Variants in DISC1 observed in about 807,000 individuals in gnomAD.
The protein encoded by DISC1 is disrupted in schizophrenia 1 protein.
In DISC1, 57 loss-of-function variants were observed where a neutral mutation model predicts 84.5. The ratio of observed to expected loss-of-function variants is 0.67; its 90% CI spans 0.55 to 0.84. The LOEUF (loss-of-function observed/expected upper bound fraction) is 0.84. Ranked by LOEUF, DISC1 falls within the 40% of genes least tolerant of loss-of-function variation. The pLI is 0.00. For missense variants in DISC1, 1,000 were observed against 1,057.8 expected (o/e 0.95, Z 0.76); for synonymous variants, 411 against 415.2 (o/e 0.99, Z 0.12).
chr1:231,933,844 G>C (rs912942594), intron 9 of DISC1, among the ~76,000 whole-genome samples: 8 of 152,120 alleles, frequency 5.3e-5, no homozygotes, highest in African/African-American at 1.7e-4. Flanking sequence ...TCTGTCATTG[G>C]CCCAGCCTCC....
chr1:231,748,152 T>C (rs371559828), intron 3 of DISC1, among the ~76,000 whole-genome samples: 1 of 152,332 alleles, frequency 6.6e-6, no homozygotes, highest in South Asian at 2.1e-4. Flanking sequence ...CTTTAGGTTT[T>C]TCTAGATATA....
At chr1:231,919,355 A>G (rs2089855163) in intron 9 of DISC1, among the ~76,000 whole-genome samples, 2 of 152,228 alleles carry the variant, frequency 1.3e-5, no homozygotes, top group African/African-American at 4.8e-5. Context: ...TTAAGACTTT[A>G]CCATGCTTGC....
chr1:231,854,719 T>TAA (rs2084139135), intron 9 of DISC1: 1 of 2,200 alleles, frequency 4.5e-4, no homozygotes, highest in Non-Finnish European at 9.3e-4. Context: ...AAAATAATTC[T>TAA]TTTTTTTTTT....
chr1:231,716,883 T>G (rs1025698193), intron 3 of DISC1, among the ~76,000 whole-genome samples: 1 of 152,202 alleles, frequency 6.6e-6, no homozygotes, highest in Non-Finnish European at 1.5e-5. Flanking sequence ...GGTGATGGAC[T>G]GGACAGCTAA....
chr1:231,840,598 G>T (rs775660318), intron 9 of DISC1, among the ~76,000 whole-genome samples: 1 of 152,120 alleles, frequency 6.6e-6, no homozygotes, highest in Non-Finnish European at 1.5e-5. Context: ...CTGGAAAAGA[G>T]ACCTCTAAGG....
chr1:231,767,229 C>T lies in DISC1; in HGVS notation c.1358C>T (p.Thr453Met), dbSNP rs28930675. 3.8e-3 allele frequency: 6,097 copies of T among 1,614,182 alleles called. 15 individuals are homozygous for T. The highest frequency in any genetic ancestry group is 9.2e-3 in the South Asian group (834 of 91,082). The change falls in exon 5 of 13, where the codon ACG becomes ATG. Residue 453 changes from threonine (T) to methionine (M), a missense_variant. Coordinates refer to ENST00000439617, the MANE Select transcript of DISC1 (RefSeq NM_018662.3). The stretch of plus-strand genomic sequence containing the variant: ...CAGGACAGCTTGCACGTGTCCATCA[C>T]GAGACGAGACTGGCTTCTTCAGGAA... ...TAQDSLHVSI[T>M]RRDWLLQEKQ...
At chr1:232,029,790 A>G (rs1228874037) in intron 12 of DISC1, among the ~76,000 whole-genome samples, 1 of 152,242 alleles carries the variant, frequency 6.6e-6, no homozygotes, top group Non-Finnish European at 1.5e-5. Context: ...ATGTGTGTAC[A>G]TAAGGGCTAT....
chr1:231,913,789 C>T (rs950610633), intron 9 of DISC1, among the ~76,000 whole-genome samples: 1 of 152,174 alleles, frequency 6.6e-6, no homozygotes, highest in African/African-American at 2.4e-5. Flanking sequence ...AGTAGGTGAC[C>T]GTTTCCTCAC....
intron 9 of DISC1, among the ~76,000 whole-genome samples, chr1:231,829,263 C>A (rs150874281): frequency 4.3e-4 from 65 of 152,248 alleles, no homozygotes; most frequent in African/African-American, 1.4e-3. Context: ...TAATAATAAG[C>A]ATTATTTTTT....
chr1:231,803,776 G>A (rs1328954010), intron 8 of DISC1, among the ~76,000 whole-genome samples: 3 of 151,838 alleles, frequency 2.0e-5, no homozygotes, highest in African/African-American at 7.3e-5. Context: ...GTGAAACCCC[G>A]TCTCTACTAA....
At chr1:232,024,948 C>A (rs1288610879) in intron 11 of DISC1, among the ~76,000 whole-genome samples, 2 of 152,186 alleles carry the variant, frequency 1.3e-5, no homozygotes, top group Non-Finnish European at 2.9e-5. Flanking sequence ...GAAATATTAT[C>A]TTTACATTTA....
At chr1:231,734,042 G>A (rs1317061338) in intron 3 of DISC1, among the ~76,000 whole-genome samples, 1 of 151,966 alleles carries the variant, frequency 6.6e-6, no homozygotes, top group African/African-American at 2.4e-5. Flanking sequence ...TGGTGGGAAT[G>A]TTTGTGAGCA....
chr1:231,970,508 T>A (rs112547578), intron 10 of DISC1, among the ~76,000 whole-genome samples: 19 of 152,192 alleles, frequency 1.2e-4, no homozygotes, highest in African/African-American at 4.6e-4. Context: ...AGGACTTAGC[T>A]GCATGGGAAG....
At chr1:231,844,368 AG>A (rs2083295485) in intron 9 of DISC1, among the ~76,000 whole-genome samples, 1 of 152,208 alleles carries the variant, frequency 6.6e-6, no homozygotes, top group East Asian at 1.9e-4. Context: ...AGAGATGCAT[AG>A]GACAAGGTAT....
chr1:231,919,097 A>G (rs912743112), intron 9 of DISC1, among the ~76,000 whole-genome samples: 102 of 152,290 alleles, frequency 6.7e-4, no homozygotes, highest in African/African-American at 2.4e-3. Context: ...GTTGCACTCA[A>G]AGTCTTCGTT....
intron 4 of DISC1, among the ~76,000 whole-genome samples, chr1:231,756,678 G>A (rs1224626156): frequency 6.6e-6 from 1 of 152,094 alleles, no homozygotes; most frequent in Non-Finnish European, 1.5e-5. Context: ...ACCTTGGATA[G>A]GAGGTCATTT....
intron 9 of DISC1, among the ~76,000 whole-genome samples, chr1:231,956,101 TGGA>T (rs1361237530): frequency 1.3e-5 from 2 of 152,154 alleles, no homozygotes; most frequent in African/African-American, 4.8e-5. Flanking sequence ...CCCCCCAATG[TGGA>T]GGGAAGGAAT....
intron 9 of DISC1, among the ~76,000 whole-genome samples, chr1:231,887,769 G>C (rs2086879578): frequency 6.6e-6 from 1 of 152,234 alleles, no homozygotes; most frequent in Non-Finnish European, 1.5e-5. Context: ...ATTGGTTCAA[G>C]GAAGTGGGGA....
intron 9 of DISC1, among the ~76,000 whole-genome samples, chr1:231,937,087 G>A (rs919847855): frequency 5.3e-5 from 8 of 152,166 alleles, no homozygotes; most frequent in South Asian, 2.1e-4. Flanking sequence ...AGCAGTGTGA[G>A]ACAAAAATTA....
Sources: gnomAD v4.1 joint callset for allele counts (sites outside exome capture counted in the v4.1 genomes callset) on GRCh38, gnomAD v4.1.1 for gene constraint, MANE v1.5 for transcripts, NCBI Gene and HGNC (gene_info 2026-07-23, HGNC 2026-07-21) for gene names.